The following FHIT variants were observed in gnomAD, a reference collection of about 807,000 sequenced individuals.
The protein encoded by FHIT is fragile histidine triad diadenosine triphosphatase, also known as bis(5'-adenosyl)-triphosphatase.
FHIT carries 19 observed loss-of-function variants against 17.9 expected under a neutral mutation model. The observed-to-expected ratio is 1.06, with a 90% CI of 0.74 to 1.56. The LOEUF (loss-of-function observed/expected upper bound fraction) is 1.56, where lower values mean the gene tolerates loss of function less well. Among genes scored for constraint, FHIT ranks in the 40% most tolerant of loss-of-function variants. The pLI is 0.00. For missense variants in FHIT, 248 were observed against 189.2 expected (o/e 1.31, Z -1.82); for synonymous variants, 81 against 69.7 (o/e 1.16, Z -0.81).
intron 4 of FHIT, among the ~76,000 whole-genome samples, chr3:60,594,209 G>A (rs1031681837): frequency 5.9e-5 from 9 of 152,080 alleles, no homozygotes; most frequent in Admixed American, 3.9e-4. Flanking sequence ...AGCTGGAATC[G>A]CACGGAGCTC....
At chr3:59,990,513 C>T (rs969199331) in intron 7 of FHIT, among the ~76,000 whole-genome samples, 1 of 152,082 alleles carries the variant, frequency 6.6e-6, no homozygotes, top group Non-Finnish European at 1.5e-5. Context: ...CCCGCTCTCA[C>T]CAGATCTCAA....
intron 5 of FHIT, among the ~76,000 whole-genome samples, chr3:60,165,036 G>A (rs767103704): frequency 1.5e-4 from 23 of 152,120 alleles, no homozygotes; most frequent in Non-Finnish European, 2.9e-4. Flanking sequence ...TTAGATCACA[G>A]ATCCGAAACC....
chr3:60,223,159 T>C (rs1395150907), intron 5 of FHIT, among the ~76,000 whole-genome samples: 1 of 152,182 alleles, frequency 6.6e-6, no homozygotes, highest in African/African-American at 2.4e-5. Flanking sequence ...TCAGGCAGAA[T>C]GACATTGCAG....
chr3:60,498,372 C>T (rs556378154), intron 5 of FHIT, among the ~76,000 whole-genome samples: 2 of 152,018 alleles, frequency 1.3e-5, no homozygotes, highest in Admixed American at 6.6e-5. Flanking sequence ...GTATGTTATA[C>T]CCCCTGATTT....
rs1199217376 is a variant in FHIT at position 59,898,402 on chromosome 3, G to C, written c.348+23944C>G. 2.0e-5 allele frequency among the ~76,000 whole-genome samples: 3 copies of C among 151,642 alleles called. No individual in the cohort carries two copies. The South Asian group carries it at 6.2e-4, about 32-fold the overall frequency. On this transcript the variant is annotated intron_variant, in intron 8 of 9. Transcript: ENST00000492590. The stretch of plus-strand genomic sequence containing the variant: ...ATATGTATGACCTTCAGATTTGATA[G>C]TATTTCACCATATTTGTATATATGT...
At chr3:60,259,583 T>C (rs1023097159) in intron 5 of FHIT, among the ~76,000 whole-genome samples, 9 of 152,136 alleles carry the variant, frequency 5.9e-5, no homozygotes, top group African/African-American at 9.7e-5. Flanking sequence ...CTAAGCTTAG[T>C]AATTTACATT....
chr3:60,068,980 T>C (rs1702640239), intron 5 of FHIT, among the ~76,000 whole-genome samples: 1 of 152,306 alleles, frequency 6.6e-6, no homozygotes, highest in Admixed American at 6.5e-5. Flanking sequence ...GGTACTTCCA[T>C]ACATGAAATG....
chr3:59,752,985 G>A (rs1474658278), intron 8 of FHIT, among the ~76,000 whole-genome samples: 2 of 152,094 alleles, frequency 1.3e-5, no homozygotes, highest in African/African-American at 2.4e-5. Flanking sequence ...GCCATTCCCA[G>A]AATCTCCCCC....
intron 4 of FHIT, among the ~76,000 whole-genome samples, chr3:60,819,717 C>T (rs1553738718): frequency 6.6e-6 from 1 of 152,166 alleles, no homozygotes; most frequent in African/African-American, 2.4e-5. Context: ...GTTCCCATAA[C>T]TAGCTTCATT....
intron 7 of FHIT, among the ~76,000 whole-genome samples, chr3:59,998,657 G>C (rs1010938579): frequency 6.6e-6 from 1 of 152,120 alleles, no homozygotes; most frequent in Non-Finnish European, 1.5e-5. Context: ...GAGCCAGCCA[G>C]TCTCAGGTAT....
chr3:59,836,398 C>A (rs1174732498), intron 8 of FHIT, among the ~76,000 whole-genome samples: 1 of 152,058 alleles, frequency 6.6e-6, no homozygotes, highest in Non-Finnish European at 1.5e-5. Flanking sequence ...AGTAGGAGAC[C>A]CAGGACATAA....
chr3:60,607,442 C>G (rs782517579), intron 4 of FHIT, among the ~76,000 whole-genome samples: 1 of 151,356 alleles, frequency 6.6e-6, no homozygotes, highest in Non-Finnish European at 1.5e-5. Context: ...ATATTTCTAT[C>G]TAGTCTGCCA....
At chr3:59,819,280 C>A (rs565097519) in intron 8 of FHIT, among the ~76,000 whole-genome samples, 1 of 152,270 alleles carries the variant, frequency 6.6e-6, no homozygotes, top group Admixed American at 6.5e-5. Context: ...TTCTGTAACA[C>A]AAACCTAAAT....
chr3:60,567,947 G>C (rs2037201427), intron 4 of FHIT, among the ~76,000 whole-genome samples: 1 of 152,184 alleles, frequency 6.6e-6, no homozygotes, highest in Non-Finnish European at 1.5e-5. Flanking sequence ...TCATTAAAAA[G>C]TCAGGAAACA....
chr3:60,334,808 C>T (rs1305256038), intron 5 of FHIT, among the ~76,000 whole-genome samples: 1 of 152,126 alleles, frequency 6.6e-6, no homozygotes, highest in South Asian at 2.1e-4. Context: ...AAGAACAAAA[C>T]CAACAAACAA....
At chr3:60,551,347 A>C (rs183246592) in intron 4 of FHIT, among the ~76,000 whole-genome samples, 79 of 146,442 alleles carry the variant, frequency 5.4e-4, no homozygotes, top group African/African-American at 1.9e-3. Flanking sequence ...TCATCTCAGG[A>C]CGCCTGGTGT....
At chr3:60,563,462 A>C (rs2037025194) in intron 4 of FHIT, among the ~76,000 whole-genome samples, 1 of 152,226 alleles carries the variant, frequency 6.6e-6, no homozygotes, top group South Asian at 2.1e-4. Context: ...TTAAATCAAA[A>C]AGTAGAAACG....
intron 4 of FHIT, among the ~76,000 whole-genome samples, chr3:60,557,090 C>T (rs539148795): frequency 3.9e-5 from 6 of 152,278 alleles, no homozygotes; most frequent in African/African-American, 1.4e-4. Context: ...TGCTATATAC[C>T]AGACATTATG....
chr3:61,250,926 G>C (rs1467250865), intron 1 of FHIT, among the ~76,000 whole-genome samples: 1 of 152,212 alleles, frequency 6.6e-6, no homozygotes, highest in African/African-American at 2.4e-5. Flanking sequence ...ACACAGACCT[G>C]TTGGGACGGA....
Sources: gnomAD v4.1 joint callset for allele counts (sites outside exome capture counted in the v4.1 genomes callset) on GRCh38, gnomAD v4.1.1 for gene constraint, MANE v1.5 for transcripts, NCBI Gene and HGNC (gene_info 2026-07-23, HGNC 2026-07-21) for gene names.